P2RX3: variants seen among roughly 807,000 people sequenced by gnomAD.
The protein encoded by P2RX3 is P2X purinoceptor 3.
A neutral mutation model predicts 51.5 loss-of-function variants in P2RX3; 41 were observed. The observed-to-expected ratio is 0.80, with a 90% CI of 0.62 to 1.03. The LOEUF (loss-of-function observed/expected upper bound fraction) is 1.03. Among genes scored for constraint, P2RX3 ranks in the 50% least tolerant of loss-of-function variants. The probability of loss-of-function intolerance (pLI) is 0.00; values close to 1 mark genes in which losing one functional copy is unlikely to be tolerated. For missense variants in P2RX3, 459 were observed against 522.1 expected (o/e 0.88, Z 1.18); for synonymous variants, 185 against 191.6 (o/e 0.97, Z 0.29).
chr11:57,357,727 T>A (rs920349160), intron 8 of P2RX3, among the ~76,000 whole-genome samples: 8 of 152,224 alleles, frequency 5.3e-5, no homozygotes, highest in African/African-American at 1.4e-4. Context: ...TAAATAAGTA[T>A]GGCTTTGGGC....
intron 4 of P2RX3, among the ~76,000 whole-genome samples, chr11:57,347,711 C>G (rs1455131133): frequency 6.6e-6 from 1 of 152,074 alleles, no homozygotes. Flanking sequence ...CTTGAAGTGG[C>G]CTGTGCTGTC....
intron 8 of P2RX3, among the ~76,000 whole-genome samples, chr11:57,361,219 G>A (rs1856713298): frequency 6.6e-6 from 1 of 151,870 alleles, no homozygotes; most frequent in African/African-American, 2.4e-5. Context: ...AGCCAGGAAA[G>A]CGGCCCCTGC....
intron 8 of P2RX3, among the ~76,000 whole-genome samples, chr11:57,351,746 C>A (rs1405108909): frequency 3.9e-5 from 6 of 152,122 alleles, no homozygotes; most frequent in African/African-American, 1.2e-4. Flanking sequence ...AAACACATAC[C>A]AATTGTCTAC....
chr11:57,353,964 C>T (rs998673640), intron 8 of P2RX3, among the ~76,000 whole-genome samples: 3 of 151,912 alleles, frequency 2.0e-5, no homozygotes, highest in Non-Finnish European at 4.4e-5. Context: ...GATGAGGAAG[C>T]GGAAGTTCCA....
chr11:57,338,285 C>G (rs1856271523), upstream of P2RX3: 2 of 285,946 alleles, frequency 7.0e-6, no homozygotes, highest in Non-Finnish European at 1.3e-5. Context: ...GAGACCCCAC[C>G]CCTGCTGTGA....
Position 57,349,952 on chromosome 11 carries a change from C to G in P2RX3, c.705+54C>G, listed in dbSNP as rs1164606936. 6.8e-6 allele frequency: 11 copies of G among 1,606,616 alleles called. No individual in the cohort carries two copies. In the East Asian group the frequency reaches 2.5e-4, roughly 36 times the overall value. On this transcript the variant is annotated intron_variant, in intron 7 of 11. Transcript: ENST00000263314. ...CCAAACTCCCCACCTTCAGCCCTTTCCCAGATTTCAGGGCCCTTTGGCCGG... is the reference window on the plus strand; with the variant it reads ...CCAAACTCCCCACCTTCAGCCCTTTGCCAGATTTCAGGGCCCTTTGGCCGG...
At chr11:57,353,147 T>C (rs10736683) in intron 8 of P2RX3, among the ~76,000 whole-genome samples, 77,822 of 152,068 alleles carry the variant, frequency 0.51, 20,979 homozygotes, top group East Asian at 0.69. Flanking sequence ...TCTGAATGCT[T>C]GAATAAGAGA....
intron 8 of P2RX3, among the ~76,000 whole-genome samples, chr11:57,360,375 G>T (rs1364121879): frequency 2.0e-5 from 3 of 152,194 alleles, no homozygotes; most frequent in African/African-American, 7.2e-5. Context: ...GCAGGAGGGA[G>T]CCCTGAGGAC....
At position 57,339,444 on chromosome 11, in the gene P2RX3, C is replaced by T. The variant is rs111563199; in HGVS notation, c.119+775C>T. Among the ~76,000 whole-genome samples, 1,100 of 152,184 alleles carry T rather than the reference C, an allele frequency of 7.2e-3. 15 individuals are homozygous for T. The highest frequency in any genetic ancestry group is 0.025 in the African/African-American group (1,027 of 41,508). ...TCTCCCTGACCCTGTGCCATGTAAC[C>T]CATCCTAGGAGTTGCTTAAGAGCCA... On this transcript the variant is annotated intron_variant, in intron 1 of 11. Transcript: ENST00000263314.
At chr11:57,355,270 T>C (rs1856610311) in intron 8 of P2RX3, among the ~76,000 whole-genome samples, 1 of 152,108 alleles carries the variant, frequency 6.6e-6, no homozygotes, top group East Asian at 1.9e-4. Flanking sequence ...CCAAGGAAGA[T>C]GCATGTATTC....
chr11:57,347,392 A>C (rs763644861), intron 3 of P2RX3, 23 bp from the exon 4 acceptor site: 11 of 1,555,394 alleles, frequency 7.1e-6, no homozygotes, highest in Non-Finnish European at 9.6e-6. Context: ...TCCTTCACCA[A>C]CCTGTGACCC....
At chr11:57,347,934 A>G (rs1383433730) in intron 4 of P2RX3, among the ~76,000 whole-genome samples, 1 of 152,174 alleles carries the variant, frequency 6.6e-6, no homozygotes, top group Non-Finnish European at 1.5e-5. Flanking sequence ...GCACAAGAAG[A>G]AGAGGTGTCC....
At chr11:57,337,337 G>GAA (rs397697576), upstream of P2RX3, among the ~76,000 whole-genome samples, 2 of 70,806 alleles carry the variant, frequency 2.8e-5, no homozygotes, top group Admixed American at 1.7e-4. Flanking sequence ...AAAAAGGAAG[G>GAA]GAAGGAAAGA....
chr11:57,342,680 G>A (rs1417081307), intron 1 of P2RX3, among the ~76,000 whole-genome samples: 1 of 152,122 alleles, frequency 6.6e-6, no homozygotes, highest in Non-Finnish European at 1.5e-5. Flanking sequence ...GTTATAGGGA[G>A]GGGAGGTAAC....
rs117744514 is a variant in P2RX3, at chr11:57,359,497, G to A, written c.843-8512G>A. On this transcript the variant is annotated intron_variant, in intron 8 of 11. Coordinates refer to ENST00000263314, the MANE Select transcript of P2RX3 (RefSeq NM_002559.5). ...AGCCACGCCTGTCAGAGGAGCCCCC[G>A]ACCCTGAAAACTCTGGCCCTGCCTG... Among the ~76,000 whole-genome samples the A allele has an allele frequency of 6.0e-4, 92 of 152,278 alleles. 3 individuals carry two copies. The East Asian group carries it at 0.016, about 27-fold the overall frequency.
At chr11:57,364,473 G>A (rs1490625255) in intron 8 of P2RX3, among the ~76,000 whole-genome samples, 4 of 152,168 alleles carry the variant, frequency 2.6e-5, no homozygotes, top group Non-Finnish European at 4.4e-5. Context: ...GAGATTAGTG[G>A]AGATGCTTAT....
At chr11:57,359,772 A>G (rs1370091615) in intron 8 of P2RX3, among the ~76,000 whole-genome samples, 1 of 152,230 alleles carries the variant, frequency 6.6e-6, no homozygotes, top group Non-Finnish European at 1.5e-5. Context: ...GCCAGATTTC[A>G]GATCCCAGCT....
rs1195387001 is a variant in P2RX3, at chr11:57,357,967, G to A, written c.842+7069G>A. Among the ~76,000 whole-genome samples the A allele has an allele frequency of 3.9e-5, 6 of 152,204 alleles. 2 individuals carry two copies. In the South Asian group the frequency reaches 8.3e-4, roughly 21 times the overall value. On this transcript the variant is annotated intron_variant, in intron 8 of 11. Transcript: ENST00000263314. ...TCCCTTGCAAGTCAAACCCGGCTCC[G>A]GCAAGTTTGTTGCTGTTTTTCCTGC...
At chr11:57,353,057 A>G (rs1856572161) in intron 8 of P2RX3, among the ~76,000 whole-genome samples, 1 of 152,134 alleles carries the variant, frequency 6.6e-6, no homozygotes, top group Non-Finnish European at 1.5e-5. Flanking sequence ...GTGCCCACCC[A>G]CCACCCTCAT....
Sources: gnomAD v4.1 joint callset for allele counts (sites outside exome capture counted in the v4.1 genomes callset) on GRCh38, gnomAD v4.1.1 for gene constraint, MANE v1.5 for transcripts, NCBI Gene and HGNC (gene_info 2026-07-23, HGNC 2026-07-21) for gene names.